GSDME: variants seen among roughly 807,000 people sequenced by gnomAD.
GSDME encodes the protein gasdermin-E.
In GSDME, 44 loss-of-function variants were observed where a neutral mutation model predicts 47.5. That is an observed-to-expected ratio of 0.93 (90% CI 0.73 to 1.19). The LOEUF is 1.19. Among genes scored for constraint, GSDME ranks in the 50% most tolerant of loss-of-function variants. The pLI is 0.00. For missense variants in GSDME, 663 were observed against 604.2 expected, an observed-to-expected ratio of 1.10 and a Z score of -1.02; for synonymous variants, 258 against 252.8, an observed-to-expected ratio of 1.02 and a Z score of -0.20.
chr7:24,765,561 T>A, the GSDME span, among the ~76,000 whole-genome samples: 19,297 of 152,204 alleles, frequency 0.13, 1,341 homozygotes, highest in East Asian at 0.2. Flanking sequence ...ACTGTTTCTG[T>A]ACGTCACTCC....
At chr7:24,710,427 A>T (rs1267819464) in intron 5 of GSDME, 39 bp from the exon 6 acceptor site, 1 of 1,611,224 alleles carries the variant, frequency 6.2e-7, no homozygotes, top group Admixed American at 1.7e-5. Flanking sequence ...GGTAAAGTTG[A>T]GTCTAAGGTG....
intron 7 of GSDME, chr7:24,707,215 CTA>C (rs1362741243): frequency 2.3e-6 from 1 of 437,978 alleles, no homozygotes; most frequent in Non-Finnish European, 4.7e-6. Context: ...CCATAAAGCA[CTA>C]AATCAGTTAT....
chr7:24,732,030 G>A lies in GSDME; in HGVS notation c.404+12532C>T, dbSNP rs932252056. 1.3e-5 allele frequency among the ~76,000 whole-genome samples: 2 copies of A among 152,142 alleles called. No individual in the cohort carries two copies. The highest frequency in any genetic ancestry group is 4.1e-4 in the South Asian group (2 of 4,822). On this transcript the variant is annotated intron_variant, in intron 3 of 9. Transcript: ENST00000645220. This position sits in a 1 kb window ranked among gnomAD's most constrained non-coding sequence, Gnocchi z 4.8. Reference sequence around the variant, plus strand: ...CCAGCCCCTCCCATCCCAGACCTTGGGATGCCCCGGTTTATTGTGACCAGT... The same window carrying A: ...CCAGCCCCTCCCATCCCAGACCTTGAGATGCCCCGGTTTATTGTGACCAGT...
chr7:24,790,554 C>T, the GSDME span, among the ~76,000 whole-genome samples: 2 of 152,190 alleles, frequency 1.3e-5, no homozygotes, highest in Non-Finnish European at 2.9e-5. The surrounding 1 kb of genome is among the most constrained non-coding windows in gnomAD (Gnocchi z 4.1). Flanking sequence ...TCTATGCCCA[C>T]ATATCCAGTA....
Position 24,750,413 on chromosome 7 carries a change from T to C in GSDME, c.-19-620A>G, listed in dbSNP as rs111648412. 6.8e-3 allele frequency among the ~76,000 whole-genome samples: 1,041 copies of C among 152,278 alleles called. 11 individuals carry two copies. The highest frequency in any genetic ancestry group is 0.024 in the African/African-American group (996 of 41,558). On this transcript the variant is annotated intron_variant, in intron 1 of 9. Coordinates refer to ENST00000645220, the MANE Select transcript of GSDME (RefSeq NM_001127453.2). Reference sequence around the variant, plus strand: ...GGGAGGATTGCTTGAGTCCAGGAATTGGAGACCAGCCTGGGCAACATAGCA... The same window carrying C: ...GGGAGGATTGCTTGAGTCCAGGAATCGGAGACCAGCCTGGGCAACATAGCA...
At position 24,698,545 on chromosome 7, in the gene GSDME, C is replaced by CTG. The variant is rs1788728359; in HGVS notation, c.*480_*481insCA. On this transcript the variant is annotated 3_prime_UTR_variant, in exon 10 of 10. Transcript: ENST00000645220. ...ATTTTGTTCAGCAGAGGAATATACT[C>CTG]TAGGAGCATTTACAGTTCATTTTCA... 4 of 233,410 alleles carry CTG rather than the reference C, an allele frequency of 1.7e-5. No individual in the cohort carries two copies. Among genetic ancestry groups the CTG allele is most frequent in the African/African-American group, 7.0e-5 (3 of 43,154 alleles). The allele number at this position is 233,410 out of a possible 1,614,324, so 14.5% of individuals were successfully genotyped here. A position where few individuals can be genotyped will look rare whatever the true frequency, so the allele number is the denominator to read the frequency against.
intron 7 of GSDME, chr7:24,707,185 T>G (rs189272001): frequency 3.6e-4 from 138 of 388,704 alleles, no homozygotes; most frequent in African/African-American, 2.8e-3. Flanking sequence ...AGAAAAATAA[T>G]ATGAACACTT....
At chr7:24,723,016 G>A (rs954150802) in intron 3 of GSDME, among the ~76,000 whole-genome samples, 1 of 152,178 alleles carries the variant, frequency 6.6e-6, no homozygotes, top group Admixed American at 6.5e-5. Context: ...GCAGGCCACT[G>A]GGAATCCTTC....
the GSDME span, among the ~76,000 whole-genome samples, chr7:24,787,701 T>A: frequency 6.6e-6 from 1 of 152,026 alleles, no homozygotes; most frequent in African/African-American, 2.4e-5. This position sits in a 1 kb window ranked among gnomAD's most constrained non-coding sequence, Gnocchi z 5.0. Flanking sequence ...TTTTGTGGGT[T>A]TATTTTTATT....
intron 3 of GSDME, among the ~76,000 whole-genome samples, chr7:24,743,711 C>T (rs1349291048): frequency 6.6e-6 from 1 of 152,176 alleles, no homozygotes; most frequent in Admixed American, 6.5e-5. Context: ...CCACTGCCCA[C>T]AGCGTCCTGC....
At chr7:24,783,437 G>A in the GSDME span, among the ~76,000 whole-genome samples, 10 of 152,082 alleles carry the variant, frequency 6.6e-5, no homozygotes, top group African/African-American at 1.4e-4. Flanking sequence ...AACTACCCTC[G>A]GGGGTTTGCT....
chr7:24,736,214 AC>A lies in GSDME; in HGVS notation c.404+8347del, dbSNP rs1438779006. The stretch of plus-strand genomic sequence containing the variant: ...TGTAACTAAACTCTCCAATTAAAAG[AC>A]ATACACTGGCTAAATGGATTAAAAA... On this transcript the variant is annotated intron_variant, in intron 3 of 9. Transcript: ENST00000645220. The surrounding 1 kb of genome is among the most constrained non-coding windows in gnomAD (Gnocchi z 4.6). 2.0e-5 allele frequency among the ~76,000 whole-genome samples: 3 copies of A among 152,336 alleles called. No homozygotes were observed. Among genetic ancestry groups the A allele is most frequent in the East Asian group, 3.9e-4 (2 of 5,194 alleles).
At position 24,699,112 on chromosome 7, in the gene GSDME, C is replaced by G. The variant is rs148824063; in HGVS notation, c.1405G>C (p.Val469Leu). The change falls in exon 10 of 10, where the codon GTC becomes CTC. Residue 469 changes from valine (V) to leucine (L), a missense_variant. By Grantham distance (32) the Val-to-Leu change is conservative. Coordinates refer to ENST00000645220, the MANE Select transcript of GSDME (RefSeq NM_001127453.2). ...LERLKSSVKA[V>L]ILKDSKVFPL... is the part of the protein sequence containing the mutation. ...AAGACTTTAGAGTCCTTCAGAATGA[C>G]AGCTTTCACAGATGACTTCAGTCTC... 1.9e-6 allele frequency: 3 copies of G among 1,614,024 alleles called. No homozygotes were observed. Among genetic ancestry groups the G allele is most frequent in the African/African-American group, 1.3e-5 (1 of 74,920 alleles).
the GSDME span, among the ~76,000 whole-genome samples, chr7:24,769,893 G>A: frequency 6.6e-6 from 1 of 152,196 alleles, no homozygotes; most frequent in Non-Finnish European, 1.5e-5. Flanking sequence ...TAGACAACAT[G>A]CAAGAACAGA....
chr7:24,698,745 G>A lies in GSDME; in HGVS notation c.*281C>T, dbSNP rs556430889. On this transcript the variant is annotated 3_prime_UTR_variant, in exon 10 of 10. Coordinates refer to ENST00000645220, the MANE Select transcript of GSDME (RefSeq NM_001127453.2). ...GGACTTATTATTGTGCAGAAAAAAC[G>A]TCTGAATGTATGCTAAGAATTCTCC... The A allele has an allele frequency of 3.9e-5, 18 of 458,196 alleles. No individual in the cohort carries two copies. The highest frequency in any genetic ancestry group is 1.6e-4 in the African/African-American group (8 of 50,654). 28.4% of individuals were successfully genotyped at this position (458,196 alleles called of 1,614,324 possible).
At position 24,739,843 on chromosome 7, in the gene GSDME, C is replaced by T. The variant is rs991644956; in HGVS notation, c.404+4719G>A. The stretch of plus-strand genomic sequence containing the variant: ...GGCGCAGTGGCTCACGCCCATAATC[C>T]TAGCACTTTGGGAGGCTAAGGCAGG... On this transcript the variant is annotated intron_variant, in intron 3 of 9. Coordinates refer to ENST00000645220, the MANE Select transcript of GSDME (RefSeq NM_001127453.2). This position sits in a 1 kb window ranked among gnomAD's most constrained non-coding sequence, Gnocchi z 5.1. Among the ~76,000 whole-genome samples, 1 of 152,090 alleles carries T rather than the reference C, an allele frequency of 6.6e-6. No individual in the cohort carries two copies. Among genetic ancestry groups the T allele is most frequent in the Non-Finnish European group, 1.5e-5 (1 of 68,002 alleles).
chr7:24,768,812 A>G, the GSDME span, among the ~76,000 whole-genome samples: 4 of 152,258 alleles, frequency 2.6e-5, no homozygotes, highest in Non-Finnish European at 5.9e-5. This position sits in a 1 kb window ranked among gnomAD's most constrained non-coding sequence, Gnocchi z 5.6. Flanking sequence ...AACAGCATTT[A>G]TATTACATTG....
the GSDME span, among the ~76,000 whole-genome samples, chr7:24,766,933 G>A: frequency 0.056 from 8,524 of 152,238 alleles, 555 homozygotes; most frequent in African/African-American, 0.15. The surrounding 1 kb of genome is among the most constrained non-coding windows in gnomAD (Gnocchi z 4.2). Context: ...GTGTAAAAGC[G>A]TTCCTATTTC....
chr7:24,791,757 TACC>T, the GSDME span, among the ~76,000 whole-genome samples: 1 of 152,168 alleles, frequency 6.6e-6, no homozygotes, highest in African/African-American at 2.4e-5. The surrounding 1 kb of genome is among the most constrained non-coding windows in gnomAD (Gnocchi z 4.8). Flanking sequence ...TCCGCCACAA[TACC>T]ACCAGACATC....
Sources: gnomAD v4.1 joint callset for allele counts (sites outside exome capture counted in the v4.1 genomes callset) on GRCh38, gnomAD v4.1.1 for gene constraint, Gnocchi (gnomAD v3.1) non-coding constraint, MANE v1.5 for transcripts, NCBI Gene and HGNC (gene_info 2026-07-23, HGNC 2026-07-21) for gene names.